The following GRID1 variants were observed in gnomAD, a reference collection of about 807,000 sequenced individuals.
The protein encoded by GRID1 is glutamate ionotropic receptor delta type subunit 1.
GRID1 carries 28 observed loss-of-function variants against 98.0 expected under a neutral mutation model. The ratio of observed to expected loss-of-function variants is 0.29; its 90% CI spans 0.21 to 0.39. GRID1 has a LOEUF of 0.39. GRID1 is among the 10% of genes least tolerant of loss of function. The probability of loss-of-function intolerance (pLI) is 1.00; values close to 1 mark genes in which losing one functional copy is unlikely to be tolerated. For synonymous variants in GRID1, 553 were observed against 538.5 expected, an observed-to-expected ratio of 1.03 and a Z score of -0.37; for missense variants, 1,111 against 1,340.5, an observed-to-expected ratio of 0.83 and a Z score of 2.67.
chr10:85,994,337 G>C (rs1044167440), intron 4 of GRID1, among the ~76,000 whole-genome samples: 2 of 152,126 alleles, frequency 1.3e-5, no homozygotes, highest in Non-Finnish European at 2.9e-5. Context: ...GGTAAGGCAG[G>C]GTGCTTTCCA....
chr10:85,675,060 A>G (rs1328748469), intron 12 of GRID1, among the ~76,000 whole-genome samples: 3 of 152,216 alleles, frequency 2.0e-5, no homozygotes, highest in Non-Finnish European at 2.9e-5. Context: ...ATCAGGTTCA[A>G]TGCTGCTGGT....
chr10:86,110,956 A>G (rs1844472188), intron 4 of GRID1, among the ~76,000 whole-genome samples: 1 of 152,234 alleles, frequency 6.6e-6, no homozygotes, highest in African/African-American at 2.4e-5. Context: ...CGTATCAGTT[A>G]GTAATTGCCA....
chr10:86,243,949 A>C (rs192932280), intron 2 of GRID1, among the ~76,000 whole-genome samples: 504 of 152,338 alleles, frequency 3.3e-3, no homozygotes, highest in Middle Eastern at 0.01. Flanking sequence ...GCACATGCAT[A>C]CATACCTGCA....
At chr10:85,959,285 T>C (rs919907350) in intron 4 of GRID1, among the ~76,000 whole-genome samples, 1 of 152,220 alleles carries the variant, frequency 6.6e-6, no homozygotes, top group African/African-American at 2.4e-5. Context: ...ACTCCTGCCC[T>C]GTCCTGGCCA....
intron 4 of GRID1, among the ~76,000 whole-genome samples, chr10:85,953,583 G>T (rs1309192009): frequency 1.3e-5 from 2 of 152,126 alleles, no homozygotes; most frequent in South Asian, 2.1e-4. Flanking sequence ...AACTAAAAAA[G>T]CCTTCTCCAC....
intron 12 of GRID1, among the ~76,000 whole-genome samples, chr10:85,694,596 ATATAT>A (rs1564562173): frequency 1.3e-4 from 14 of 107,710 alleles, no homozygotes; most frequent in African/African-American, 3.1e-4. Flanking sequence ...ATATATATAT[ATATAT>A]AATGGAATAT....
chr10:85,874,849 T>C (rs1843312571), intron 5 of GRID1, among the ~76,000 whole-genome samples: 1 of 135,900 alleles, frequency 7.4e-6, no homozygotes, highest in Non-Finnish European at 1.7e-5. Flanking sequence ...TTTGGGGTTA[T>C]GTTATTTTAT....
chr10:85,821,539 A>AAAAAAAGAAAACAAAC (rs1842772585), intron 8 of GRID1, among the ~76,000 whole-genome samples: 4 of 97,594 alleles, frequency 4.1e-5, no homozygotes, highest in African/African-American at 1.5e-4. Flanking sequence ...AAAAAAAAAA[A>AAAAAAAGAAAACAAAC]AAAAAAGAAA....
chr10:86,049,131 G>T (rs1347698750), intron 4 of GRID1, among the ~76,000 whole-genome samples: 3 of 152,174 alleles, frequency 2.0e-5, no homozygotes, highest in African/African-American at 7.2e-5. Context: ...CCAGTAAACG[G>T]CAGGACTGAG....
At chr10:85,994,429 A>G (rs1048666046) in intron 4 of GRID1, among the ~76,000 whole-genome samples, 1 of 152,208 alleles carries the variant, frequency 6.6e-6, no homozygotes, top group African/African-American at 2.4e-5. Flanking sequence ...AATAATCTCA[A>G]TCCTAGCACC....
intron 3 of GRID1, among the ~76,000 whole-genome samples, chr10:86,145,761 C>T (rs145528683): frequency 1.9e-3 from 295 of 152,254 alleles, no homozygotes; most frequent in Non-Finnish European, 3.3e-3. Context: ...GGAGCTAGGC[C>T]TTCCTCATTT....
intron 2 of GRID1, among the ~76,000 whole-genome samples, chr10:86,320,001 A>G (rs1344201173): frequency 6.6e-6 from 1 of 152,230 alleles, no homozygotes; most frequent in Non-Finnish European, 1.5e-5. Context: ...CTCCATAAGC[A>G]CAGAGCATCC....
intron 15 of GRID1, chr10:85,606,656 T>C (rs1442544902): frequency 6.6e-6 from 1 of 152,172 alleles, no homozygotes; most frequent in Non-Finnish European, 1.5e-5. Context: ...GGAAGCATGG[T>C]CTGCTTGTAT....
intron 5 of GRID1, among the ~76,000 whole-genome samples, chr10:85,901,630 A>G (rs1841390854): frequency 6.6e-6 from 1 of 152,198 alleles, no homozygotes; most frequent in Admixed American, 6.5e-5. Flanking sequence ...CACAAAGTCT[A>G]CTGAGTAAAT....
chr10:85,862,208 T>A (rs1460353895), intron 6 of GRID1, among the ~76,000 whole-genome samples: 1 of 152,184 alleles, frequency 6.6e-6, no homozygotes, highest in African/African-American at 2.4e-5. Context: ...GAGAGGTTTA[T>A]AAGAATTAGG....
chr10:86,221,541 G>A (rs1429752139), intron 2 of GRID1, among the ~76,000 whole-genome samples: 1 of 152,214 alleles, frequency 6.6e-6, no homozygotes, highest in Non-Finnish European at 1.5e-5. Context: ...GTGGAGTGGG[G>A]GTGGACAGTC....
chr10:86,300,194 C>T (rs1168346198), intron 2 of GRID1, among the ~76,000 whole-genome samples: 1 of 151,898 alleles, frequency 6.6e-6, no homozygotes, highest in Non-Finnish European at 1.5e-5. Context: ...CTACGGCACA[C>T]CAGAAGCCAC....
rs373486286 is a variant in GRID1, at chr10:85,808,821, G to A, written c.1233+45675C>T. ...GTATCTCCCACAATGTCCAGGAAAC[G>A]TAAAAATGTACTATTACACATATTA... On this transcript the variant is annotated intron_variant, in intron 8 of 15. Transcript: ENST00000327946. 3.2e-4 allele frequency among the ~76,000 whole-genome samples: 49 copies of A among 152,060 alleles called. 1 individual carries two copies. The highest frequency in any genetic ancestry group is 1.2e-3 in the East Asian group (6 of 5,182).
At chr10:86,087,730 A>T (rs576566817) in intron 4 of GRID1, among the ~76,000 whole-genome samples, 7,947 of 152,220 alleles carry the variant, frequency 0.052, 473 homozygotes, top group African/African-American at 0.14. Flanking sequence ...TGTGCAGCCC[A>T]GCACAGATAG....
Sources: gnomAD v4.1 joint callset for allele counts (sites outside exome capture counted in the v4.1 genomes callset) on GRCh38, gnomAD v4.1.1 for gene constraint, MANE v1.5 for transcripts, NCBI Gene and HGNC (gene_info 2026-07-23, HGNC 2026-07-21) for gene names.